SUCLG2: variants seen among roughly 807,000 people sequenced by gnomAD.
SUCLG2 encodes succinate-CoA ligase GDP-forming subunit beta.
A neutral mutation model predicts 47.9 loss-of-function variants in SUCLG2; 42 were observed. That is an observed-to-expected ratio of 0.88 (90% confidence interval 0.69 to 1.14). The LOEUF (loss-of-function observed/expected upper bound fraction) is 1.14, where lower values mean the gene tolerates loss of function less well. SUCLG2 is among the 50% of genes most tolerant of loss of function. The pLI, the probability that SUCLG2 is intolerant of heterozygous loss-of-function variation, is 0.00. For synonymous variants in SUCLG2, 195 were observed against 197.3 expected (o/e 0.99, Z 0.10); for missense variants, 571 against 525.9 (o/e 1.09, Z -0.84).
At chr3:67,571,132 C>G (rs1707595594) in intron 2 of SUCLG2, among the ~76,000 whole-genome samples, 1 of 152,026 alleles carries the variant, frequency 6.6e-6, no homozygotes, top group Non-Finnish European at 1.5e-5. Flanking sequence ...CCTAATTTAC[C>G]TGGTAATTAC....
intron 1 of SUCLG2, among the ~76,000 whole-genome samples, chr3:67,627,248 A>T (rs917315046): frequency 6.6e-6 from 1 of 152,192 alleles, no homozygotes; most frequent in Non-Finnish European, 1.5e-5. Context: ...ACCAATTTTT[A>T]CTTGGCATCT....
At chr3:67,634,348 C>T (rs938429051) in intron 1 of SUCLG2, among the ~76,000 whole-genome samples, 3 of 151,760 alleles carry the variant, frequency 2.0e-5, no homozygotes, top group African/African-American at 2.4e-5. Context: ...TTTGGGAGGC[C>T]GAGGCAGGAG....
At chr3:67,616,999 T>C (rs1364336808) in intron 1 of SUCLG2, among the ~76,000 whole-genome samples, 2 of 152,216 alleles carry the variant, frequency 1.3e-5, no homozygotes, top group South Asian at 4.1e-4. Flanking sequence ...AAAGTTAGTA[T>C]GTGTTTGTTA....
intron 9 of SUCLG2, among the ~76,000 whole-genome samples, chr3:67,493,282 G>A (rs1373080247): frequency 1.3e-5 from 2 of 152,102 alleles, no homozygotes; most frequent in African/African-American, 4.8e-5. Flanking sequence ...TTTTTAACTG[G>A]TTTTGAAATT....
chr3:67,543,018 T>C (rs968421343), intron 2 of SUCLG2, among the ~76,000 whole-genome samples: 4 of 152,314 alleles, frequency 2.6e-5, no homozygotes, highest in African/African-American at 9.6e-5. Flanking sequence ...GAATATACAT[T>C]CTTCTCACCA....
At chr3:67,546,195 T>A (rs115949833) in intron 2 of SUCLG2, among the ~76,000 whole-genome samples, 246 of 152,288 alleles carry the variant, frequency 1.6e-3, no homozygotes, top group African/African-American at 5.7e-3. Context: ...TTTTACTTCT[T>A]GGAGTAAAAG....
rs116709590 is a variant in SUCLG2, at chr3:67,408,856, C to T, written c.1063-8005G>A. ...AATGGTGTCAAGATTTAAATTAAGGCGGTCTTACTGTAAAGTCCATGTTCG... is the reference window on the plus strand; with the variant it reads ...AATGGTGTCAAGATTTAAATTAAGGTGGTCTTACTGTAAAGTCCATGTTCG... On this transcript the variant is annotated intron_variant, in intron 9 of 10. Transcript: ENST00000307227. 869 of 1,427,906 alleles carry T rather than the reference C, an allele frequency of 6.1e-4. 8 individuals are homozygous for T. The African/African-American group carries it at 0.011, about 18-fold the overall frequency. The allele number at this position is 1,427,906 out of a possible 1,614,324, so 88.5% of individuals were successfully genotyped here.
intron 6 of SUCLG2, 62 bp downstream of exon 6, chr3:67,518,185 A>C: frequency 7.3e-7 from 1 of 1,377,360 alleles, no homozygotes; most frequent in Non-Finnish European, 1.0e-6. Context: ...GAGGCAATGA[A>C]GCAAGTTCCC....
rs150126320 is a variant in SUCLG2 at position 67,471,159 on chromosome 3, A to G, written c.1062+24639T>C. 4.6e-3 allele frequency among the ~76,000 whole-genome samples: 701 copies of G among 152,318 alleles called. 6 individuals carry two copies. The highest frequency in any genetic ancestry group is 0.016 in the African/African-American group (657 of 41,562). On this transcript the variant is annotated intron_variant, in intron 9 of 10. Transcript: ENST00000307227. ...TAGATAAGAAAGAGTTATTGGAGAA[A>G]TGATTATTTAAATCACATTACTGGT...
At chr3:67,648,521 CG>C (rs1254367860) in intron 1 of SUCLG2, among the ~76,000 whole-genome samples, 1 of 152,136 alleles carries the variant, frequency 6.6e-6, no homozygotes, top group Non-Finnish European at 1.5e-5. Flanking sequence ...CAGCATGAGG[CG>C]GGTGACTCCC....
At chr3:67,641,814 C>G (rs901788533) in intron 1 of SUCLG2, among the ~76,000 whole-genome samples, 1 of 152,160 alleles carries the variant, frequency 6.6e-6, no homozygotes, top group Non-Finnish European at 1.5e-5. Flanking sequence ...ATCAAGGTAT[C>G]AGAAGGGTTG....
chr3:67,412,415 C>T (rs1016488063), intron 9 of SUCLG2, among the ~76,000 whole-genome samples: 7 of 152,100 alleles, frequency 4.6e-5, no homozygotes, highest in African/African-American at 9.7e-5. Flanking sequence ...ATGAAAACAT[C>T]GTGATTTGGG....
intron 9 of SUCLG2, among the ~76,000 whole-genome samples, chr3:67,405,640 T>C (rs1702786638): frequency 6.6e-6 from 1 of 152,136 alleles, no homozygotes; most frequent in African/African-American, 2.4e-5. Flanking sequence ...GAGTTTCAGA[T>C]AATGGCAAGT....
chr3:67,634,660 T>C (rs1456229034), intron 1 of SUCLG2, among the ~76,000 whole-genome samples: 2 of 152,228 alleles, frequency 1.3e-5, no homozygotes, highest in Admixed American at 6.5e-5. Flanking sequence ...TATTTATCTC[T>C]TTAACTAAAG....
intron 1 of SUCLG2, among the ~76,000 whole-genome samples, chr3:67,610,392 G>A (rs182161598): frequency 9.2e-5 from 14 of 151,836 alleles, no homozygotes; most frequent in African/African-American, 2.9e-4. Flanking sequence ...GTTTATCTGT[G>A]TTAAAAGGAC....
At chr3:67,378,265 G>C (rs927603324) in intron 10 of SUCLG2, among the ~76,000 whole-genome samples, 3 of 152,306 alleles carry the variant, frequency 2.0e-5, no homozygotes, top group Non-Finnish European at 4.4e-5. Flanking sequence ...TGGACCCACA[G>C]CCTTACTTCT....
intron 2 of SUCLG2, among the ~76,000 whole-genome samples, chr3:67,538,984 T>C (rs1266903480): frequency 6.6e-6 from 1 of 152,228 alleles, no homozygotes; most frequent in Non-Finnish European, 1.5e-5. Context: ...TTTCTAAATA[T>C]ACAATCATGT....
chr3:67,466,969 A>T (rs773072217), intron 9 of SUCLG2, among the ~76,000 whole-genome samples: 2 of 152,266 alleles, frequency 1.3e-5, no homozygotes, highest in African/African-American at 2.4e-5. Flanking sequence ...GGAAAAGTAT[A>T]TTACATCTAG....
At chr3:67,651,166 G>A (rs968581110) in intron 1 of SUCLG2, among the ~76,000 whole-genome samples, 3 of 152,174 alleles carry the variant, frequency 2.0e-5, no homozygotes, top group African/African-American at 7.2e-5. Context: ...TTTATAACAG[G>A]GGGCGTGTAC....
Sources: gnomAD v4.1 joint callset for allele counts (sites outside exome capture counted in the v4.1 genomes callset) on GRCh38, gnomAD v4.1.1 for gene constraint, MANE v1.5 for transcripts, NCBI Gene and HGNC (gene_info 2026-07-23, HGNC 2026-07-21) for gene names.